Variants in TTL observed in about 807,000 individuals in gnomAD.
TTL encodes tubulin tyrosine ligase.
Under a neutral mutation model 41.1 loss-of-function variants are expected in TTL, and 10 were observed. The observed-to-expected ratio is 0.24, with a 90% CI of 0.15 to 0.41. The LOEUF is 0.41. Ranked by LOEUF, TTL falls within the 10% of genes least tolerant of loss-of-function variation. The pLI is 1.00. For synonymous variants in TTL, 175 were observed against 175.5 expected, an observed-to-expected ratio of 1.00 and a Z score of 0.02; for missense variants, 367 against 460.4, an observed-to-expected ratio of 0.80 and a Z score of 1.86.
chr2:112,521,901 G>A (rs575515754), intron 6 of TTL, among the ~76,000 whole-genome samples: 38 of 152,222 alleles, frequency 2.5e-4, no homozygotes, highest in African/African-American at 3.1e-4. Context: ...AAGGCCAAAC[G>A]CAAGTTAGAT....
At chr2:112,522,640 A>G (rs1342999290) in intron 6 of TTL, 1 of 152,414 alleles carries the variant, frequency 6.6e-6, no homozygotes, top group Non-Finnish European at 1.5e-5. Context: ...GCAGACTAGT[A>G]TCTGCACCTG....
In TTL at chr2:112,486,948, G is replaced by A. The variant is rs560862841; in HGVS notation, c.236+953G>A. Among the ~76,000 whole-genome samples, 11 of 152,230 alleles carry A rather than the reference G, an allele frequency of 7.2e-5. No individual in the cohort carries two copies. In the South Asian group the frequency reaches 1.2e-3, roughly 17 times the overall value. On this transcript the variant is annotated intron_variant, in intron 2 of 6. Transcript: ENST00000233336. ...TAGCTACGGGCTTTGAATTGTGCCC[G>A]TCTTGTTGTTCCTACTGTATAAGTG...
Position 112,535,899 on chromosome 2 carries a change from G to C in TTL, c.*7104G>C, listed in dbSNP as rs1409728533. ...AGCTCACTGCAGCCTCAAACTTCTG[G>C]TTTCAAGTAATCTTCCCACCTTAGC... is the stretch of plus-strand genomic sequence containing the variant. On this transcript the variant is annotated 3_prime_UTR_variant, in exon 7 of 7. Transcript: ENST00000233336. The C allele has an allele frequency of 6.6e-6, 1 of 152,128 alleles. No homozygotes were observed. Among genetic ancestry groups the C allele is most frequent in the Non-Finnish European group, 1.5e-5 (1 of 68,012 alleles). 9.4% of individuals were successfully genotyped at this position (152,128 alleles called of 1,614,324 possible).
chr2:112,518,151 T>A (rs1312825594), intron 5 of TTL, among the ~76,000 whole-genome samples: 3 of 150,960 alleles, frequency 2.0e-5, no homozygotes, highest in Admixed American at 6.6e-5. Context: ...TTTTTTTTTT[T>A]TTTTAAGTAG....
chr2:112,499,673 G>T (rs1681639073), intron 3 of TTL, among the ~76,000 whole-genome samples: 1 of 152,138 alleles, frequency 6.6e-6, no homozygotes, highest in Non-Finnish European at 1.5e-5. Context: ...CCTCATTAGA[G>T]GATAAAAATG....
chr2:112,482,496 G>C lies in TTL; in HGVS notation c.152G>C (p.Arg51Thr). ...GAGAGGAATCGGCTGCCCTTCGGGA[G>C]ACTGGGTGAGCCCCTCCCCGATTCC... ...LGERNRLPFG[R>T]LGHEPGLVQL... The change falls in exon 1 of 7, where the codon AGA becomes ACA. Residue 51 changes from arginine (R) to threonine (T), a missense_variant. Physicochemically the swap from Arg to Thr is moderately conservative, Grantham distance 71. Transcript: ENST00000233336. This position sits in a 1 kb window ranked among gnomAD's most constrained non-coding sequence, Gnocchi z 5.3. The C allele has an allele frequency of 6.2e-7, 1 of 1,604,656 alleles. No homozygotes were observed. Among genetic ancestry groups the C allele is most frequent in the South Asian group, 1.1e-5 (1 of 90,062 alleles).
rs2104483208 is a variant in TTL at position 112,531,927 on chromosome 2, T to G, written c.*3132T>G. On this transcript the variant is annotated 3_prime_UTR_variant, in exon 7 of 7. Coordinates refer to ENST00000233336, the MANE Select transcript of TTL (RefSeq NM_153712.5). ...AATATGTATTAAGGGTATTAATTAT[T>G]GAAAGTCCCTTTCCCCAAAACTCAA... The G allele has an allele frequency of 4.5e-6, 1 of 224,240 alleles. No individual in the cohort carries two copies. Among genetic ancestry groups the G allele is most frequent in the East Asian group, 6.5e-5 (1 of 15,372 alleles). The allele number at this position is 224,240 out of a possible 1,614,324, so 13.9% of individuals were successfully genotyped here. A position where few individuals can be genotyped will look rare whatever the true frequency, so the allele number is the denominator to read the frequency against.
chr2:112,489,128 T>C (rs1439885105), intron 2 of TTL, among the ~76,000 whole-genome samples: 5 of 152,202 alleles, frequency 3.3e-5, no homozygotes, highest in Admixed American at 6.5e-5. Context: ...AATAATTTAT[T>C]ATATTTAACT....
intron 6 of TTL, among the ~76,000 whole-genome samples, chr2:112,523,185 C>A (rs1417838156): frequency 6.6e-6 from 1 of 152,326 alleles, no homozygotes; most frequent in South Asian, 2.1e-4. Flanking sequence ...CCACCACCAG[C>A]CTTACCGTGG....
At chr2:112,512,448 G>C (rs920016975) in intron 5 of TTL, among the ~76,000 whole-genome samples, 12 of 152,014 alleles carry the variant, frequency 7.9e-5, no homozygotes, top group Admixed American at 5.2e-4. Flanking sequence ...ATTTTTAGTA[G>C]AGACAGGGTT....
rs1682722459 is a variant in TTL at position 112,541,153 on chromosome 2, C to T, written c.*12358C>T. ...GTACCCATAAATTTTTTTTTAAATC[C>T]TCATGACCTTGGATTACACAATGAT... On this transcript the variant is annotated 3_prime_UTR_variant, in exon 7 of 7. Transcript: ENST00000233336. 6.6e-6 allele frequency: 1 copy of T among 151,632 alleles called. No homozygotes were observed. Among genetic ancestry groups the T allele is most frequent in the Admixed American group, 6.6e-5 (1 of 15,222 alleles). The allele number at this position is 151,632 out of a possible 1,614,324, so 9.4% of individuals were successfully genotyped here.
intron 5 of TTL, among the ~76,000 whole-genome samples, chr2:112,512,787 C>T (rs59635443): frequency 0.019 from 2,876 of 152,256 alleles, 72 homozygotes; most frequent in African/African-American, 0.049. Flanking sequence ...TTGTATTGGA[C>T]TCACATCTGC....
intron 5 of TTL, among the ~76,000 whole-genome samples, chr2:112,512,153 G>A (rs549874406): frequency 8.0e-4 from 121 of 151,814 alleles, no homozygotes; most frequent in African/African-American, 2.6e-3. Flanking sequence ...GTGCAGTGGC[G>A]CGATCATGGC....
In TTL at chr2:112,482,603, T is replaced by C. The variant is rs2104442390; in HGVS notation, c.157+102T>C. On this transcript the variant is annotated intron_variant, in intron 1 of 6. Transcript: ENST00000233336. This position sits in a 1 kb window ranked among gnomAD's most constrained non-coding sequence, Gnocchi z 5.3. ...CTTTTGTTTTTAAAGGTCATACATT[T>C]TCTCCTCTGTCGCTTGTCGGGCACA... 1 of 1,299,392 alleles carries C rather than the reference T, an allele frequency of 7.7e-7. No homozygotes were observed. Among genetic ancestry groups the C allele is most frequent in the Middle Eastern group, 2.1e-4 (1 of 4,814 alleles). 80.5% of individuals were successfully genotyped at this position (1,299,392 alleles called of 1,614,324 possible).
At chr2:112,507,498 T>G (rs1217204018) in intron 5 of TTL, among the ~76,000 whole-genome samples, 3 of 82,550 alleles carry the variant, frequency 3.6e-5, no homozygotes, top group African/African-American at 1.6e-4. Context: ...ATCTGGGTGC[T>G]CCTGTATTGG....
At chr2:112,488,190 C>T (rs1362026336) in intron 2 of TTL, among the ~76,000 whole-genome samples, 2 of 152,210 alleles carry the variant, frequency 1.3e-5, no homozygotes, top group Admixed American at 6.5e-5. Context: ...TTTTCTTCTC[C>T]TGGTACAGAT....
chr2:112,511,982 C>CATTCTATTCT (rs3057723), intron 5 of TTL, among the ~76,000 whole-genome samples: 147 of 151,186 alleles, frequency 9.7e-4, no homozygotes, highest in East Asian at 3.3e-3. Context: ...CTTTTATTTT[C>CATTCTATTCT]ATTCTATTCT....
rs777190187 is a variant in TTL, at chr2:112,529,165, G to A, written c.*370G>A. On this transcript the variant is annotated 3_prime_UTR_variant, in exon 7 of 7. Transcript: ENST00000233336. ...CTCCATGCCCGGCTGCAGCCCCACT[G>A]CTCTGGACTATGGATTGGACGTCAG... The A allele has an allele frequency of 2.8e-4, 103 of 369,260 alleles. No homozygotes were observed. Among genetic ancestry groups the A allele is most frequent in the Admixed American group, 7.8e-4 (19 of 24,464 alleles). The allele number at this position is 369,260 out of a possible 1,614,324, so 22.9% of individuals were successfully genotyped here. A position where few individuals can be genotyped will look rare whatever the true frequency, so the allele number is the denominator to read the frequency against.
chr2:112,541,060 C>G lies in TTL; in HGVS notation c.*12265C>G, dbSNP rs925358608. The G allele has an allele frequency of 6.6e-6, 1 of 152,124 alleles. No homozygotes were observed. The highest frequency in any genetic ancestry group is 1.5e-5 in the Non-Finnish European group (1 of 68,020). The allele number at this position is 152,124 out of a possible 1,614,324, so 9.4% of individuals were successfully genotyped here. A position where few individuals can be genotyped will look rare whatever the true frequency, so the allele number is the denominator to read the frequency against. ...TGAGGTGATGGAAACCCCATCTACC[C>G]TCCTGTGATGATTACATCGTATGCC... On this transcript the variant is annotated 3_prime_UTR_variant, in exon 7 of 7. Transcript: ENST00000233336.
Sources: allele counts gnomAD v4.1 joint callset (sites outside exome capture counted in the v4.1 genomes callset), GRCh38; gene constraint gnomAD v4.1.1; non-coding constraint Gnocchi (gnomAD v3.1); transcripts MANE v1.5; gene names NCBI Gene and HGNC (gene_info 2026-07-23, HGNC 2026-07-21).